MTA3: variants seen among roughly 807,000 people sequenced by gnomAD.
MTA3 encodes metastasis-associated protein MTA3.
In MTA3, 34 loss-of-function variants were observed where a neutral mutation model predicts 83.5. That is an observed-to-expected ratio of 0.41 (90% confidence interval 0.31 to 0.54). The LOEUF (loss-of-function observed/expected upper bound fraction) is 0.54, where lower values mean the gene tolerates loss of function less well. MTA3 is among the 20% of genes least tolerant of loss of function. The pLI, the probability that MTA3 is intolerant of heterozygous loss-of-function variation, is 0.33. For missense variants in MTA3, 761 were observed against 726.4 expected, an observed-to-expected ratio of 1.05 and a Z score of -0.55; for synonymous variants, 303 against 252.7, an observed-to-expected ratio of 1.20 and a Z score of -1.89.
At position 42,678,399 on chromosome 2, in the gene MTA3, G is replaced by A. The variant is rs151266768; in HGVS notation, c.703-4002G>A. Among the ~76,000 whole-genome samples, 746 of 152,088 alleles carry A rather than the reference G, an allele frequency of 4.9e-3. 5 individuals are homozygous for A. Among genetic ancestry groups the A allele is most frequent in the African/African-American group, 0.017 (720 of 41,480 alleles). On this transcript the variant is annotated intron_variant, in intron 8 of 16. Transcript: ENST00000405094. ...GCCGCCCAGGCTGGAGTGCAGTGGCGTGATCTCGGCTCACTGCTACTTCCA... is the reference window on the plus strand; with the variant it reads ...GCCGCCCAGGCTGGAGTGCAGTGGCATGATCTCGGCTCACTGCTACTTCCA...
intron 10 of MTA3, 82 bp from the exon 11 acceptor site, chr2:42,697,694 T>A: frequency 1.0e-6 from 1 of 977,840 alleles, no homozygotes; most frequent in South Asian, 1.7e-5. Context: ...TAATACGTAT[T>A]TTCTTGTGAA....
Position 42,755,612 on chromosome 2 carries a change from C to T in MTA3, c.*2213C>T, listed in dbSNP as rs1236443237. The T allele has an allele frequency of 7.1e-6, 7 of 985,514 alleles. No homozygotes were observed. The highest frequency in any genetic ancestry group is 1.1e-4 in the East Asian group (1 of 8,834). 61.0% of individuals were successfully genotyped at this position (985,514 alleles called of 1,614,324 possible). A position where few individuals can be genotyped will look rare whatever the true frequency, so the allele number is the denominator to read the frequency against. On this transcript the variant is annotated 3_prime_UTR_variant, in exon 17 of 17. Coordinates refer to ENST00000405094, the MANE Select transcript of MTA3 (RefSeq NM_001330442.2). ...CCTTTGTCTCTGGAAACTGCCCCCT[C>T]GTTCTGACAGAATCCCCCAGGCAAT...
chr2:42,544,535 A>T (rs1164632073), intron 2 of MTA3, among the ~76,000 whole-genome samples: 7 of 151,296 alleles, frequency 4.6e-5, no homozygotes, highest in African/African-American at 1.7e-4. Flanking sequence ...TACCAAAAAT[A>T]ACTTTTTTTT....
At chr2:42,507,800 G>A (rs1331924379) in intron 2 of MTA3, among the ~76,000 whole-genome samples, 8 of 151,560 alleles carry the variant, frequency 5.3e-5, no homozygotes, top group East Asian at 1.9e-4. Context: ...GCACGGGGGC[G>A]CACACCTGTA....
At position 42,663,237 on chromosome 2, in the gene MTA3, T is replaced by G. The variant is rs1689899020; in HGVS notation, c.702+3375T>G. Among the ~76,000 whole-genome samples the G allele has an allele frequency of 2.0e-5, 3 of 152,162 alleles. 1 individual carries two copies. In the South Asian group the frequency reaches 6.2e-4, roughly 32 times the overall value. On this transcript the variant is annotated intron_variant, in intron 8 of 16. Coordinates refer to ENST00000405094, the MANE Select transcript of MTA3 (RefSeq NM_001330442.2). ...AGCTTGTTCCTGAGATGGTGGAGAG[T>G]TCTCGTGGCAGCTGGGCTGACTTGC...
intron 9 of MTA3, among the ~76,000 whole-genome samples, chr2:42,684,074 C>G (rs1441767722): frequency 6.6e-6 from 1 of 152,038 alleles, no homozygotes; most frequent in African/African-American, 2.4e-5. Flanking sequence ...ACTTACTTAC[C>G]CCATGCAGTG....
chr2:42,545,513 A>C (rs1676722421), intron 2 of MTA3, among the ~76,000 whole-genome samples: 1 of 152,160 alleles, frequency 6.6e-6, no homozygotes, highest in South Asian at 2.1e-4. Flanking sequence ...GGAGAGTGGG[A>C]GGTTCCCAGA....
chr2:42,581,747 A>AT, intron 3 of MTA3: 1 of 290,514 alleles, frequency 3.4e-6, no homozygotes, highest in Non-Finnish European at 6.7e-6. Flanking sequence ...CATAAATCAG[A>AT]TTTTAAAAAG....
intron 2 of MTA3, among the ~76,000 whole-genome samples, chr2:42,571,240 T>C (rs1169748888): frequency 6.6e-6 from 1 of 150,464 alleles, no homozygotes. Flanking sequence ...ACTAAAAAAG[T>C]ACAAAAAAAT....
At chr2:42,668,410 G>A (rs1189471736) in intron 8 of MTA3, among the ~76,000 whole-genome samples, 1 of 152,188 alleles carries the variant, frequency 6.6e-6, no homozygotes, top group Admixed American at 6.5e-5. Flanking sequence ...CAATGCCTCA[G>A]GGTCCTGAAC....
At chr2:42,565,028 G>A (rs1465124103), upstream of MTA3, among the ~76,000 whole-genome samples, 2 of 151,964 alleles carry the variant, frequency 1.3e-5, no homozygotes, top group South Asian at 2.1e-4. Context: ...CGCCGGCCTC[G>A]GCCTCCCAAA....
intron 3 of MTA3, among the ~76,000 whole-genome samples, chr2:42,583,790 CA>C (rs1679945781): frequency 6.6e-6 from 1 of 151,936 alleles, no homozygotes; most frequent in Non-Finnish European, 1.5e-5. Context: ...CTTGGCCTCC[CA>C]AAGTGCCATG....
At chr2:42,510,536 TATTGA>T (rs1400893288) in intron 2 of MTA3, among the ~76,000 whole-genome samples, 1 of 152,216 alleles carries the variant, frequency 6.6e-6, no homozygotes, top group Non-Finnish European at 1.5e-5. Flanking sequence ...AACTGTTCAC[TATTGA>T]ATTGAACACT....
At chr2:42,749,816 G>T (rs1573852461) in intron 16 of MTA3, among the ~76,000 whole-genome samples, 1 of 151,954 alleles carries the variant, frequency 6.6e-6, no homozygotes, top group Non-Finnish European at 1.5e-5. Context: ...ACTGTTACTG[G>T]CTGGAGGGTT....
At chr2:42,718,908 A>G in intron 14 of MTA3, 80 bp from the exon 15 acceptor site, 2 of 1,060,260 alleles carry the variant, frequency 1.9e-6, no homozygotes, top group Non-Finnish European at 1.4e-6. Context: ...TTCCACTTGT[A>G]CCTTTATTTC....
chr2:42,571,729 CCT>C (rs2103835018), intron 2 of MTA3, among the ~76,000 whole-genome samples: 2 of 151,872 alleles, frequency 1.3e-5, no homozygotes, highest in Admixed American at 6.6e-5. Context: ...GGGCGGATCA[CCT>C]GAGGTTGGGA....
At chr2:42,651,379 T>G (rs943792167) in intron 6 of MTA3, among the ~76,000 whole-genome samples, 2 of 152,226 alleles carry the variant, frequency 1.3e-5, no homozygotes, top group Non-Finnish European at 2.9e-5. Context: ...CAACTTTATT[T>G]ATTTTTTTAA....
intron 14 of MTA3, among the ~76,000 whole-genome samples, chr2:42,710,154 A>G (rs1419266579): frequency 1.3e-5 from 2 of 152,222 alleles, no homozygotes; most frequent in Non-Finnish European, 2.9e-5. Context: ...AAAAGGAATG[A>G]TGACTGAAAA....
exon 2 of MTA3, chr2:42,495,249 G>A (rs1674079553): frequency 1.3e-5 from 2 of 152,468 alleles, no homozygotes; most frequent in Non-Finnish European, 2.9e-5. Flanking sequence ...GCAGACAACT[G>A]AAAATGTGAG....
Sources: allele counts gnomAD v4.1 joint callset (sites outside exome capture counted in the v4.1 genomes callset), GRCh38; gene constraint gnomAD v4.1.1; transcripts MANE v1.5; gene names NCBI Gene and HGNC (gene_info 2026-07-23, HGNC 2026-07-21).